SEMA6D: variants seen among roughly 807,000 people sequenced by gnomAD.
SEMA6D encodes the protein semaphorin 6D.
A neutral mutation model predicts 106.6 loss-of-function variants in SEMA6D; 35 were observed. The observed-to-expected ratio is 0.33, with a 90% CI of 0.25 to 0.44. The LOEUF is 0.44. Ranked by LOEUF, SEMA6D falls within the 20% of genes least tolerant of loss-of-function variation. The pLI is 1.00. For missense variants in SEMA6D, 1,185 were observed against 1,345.9 expected (o/e 0.88, Z 1.87); for synonymous variants, 499 against 487.7 (o/e 1.02, Z -0.31).
At chr15:47,688,680 CT>C (rs932891275) in intron 4 of SEMA6D, among the ~76,000 whole-genome samples, 120 of 152,210 alleles carry the variant, frequency 7.9e-4, no homozygotes, top group Non-Finnish European at 1.3e-3. Context: ...CAGCAGACTA[CT>C]TGGAAGAGGA....
Position 47,388,842 on chromosome 15 carries a change from G to A in SEMA6D, c.-238-23551G>A, listed in dbSNP as rs182727248. On this transcript the variant is annotated intron_variant, in intron 1 of 19. Coordinates refer to the SEMA6D transcript ENST00000558014. Reference sequence around the variant, plus strand: ...AGATTTAGACACTTGCCACAAATGGGTTAGACATTTGGCTCCAGATTTTCT... The same window carrying A: ...AGATTTAGACACTTGCCACAAATGGATTAGACATTTGGCTCCAGATTTTCT... Among the ~76,000 whole-genome samples the A allele has an allele frequency of 9.9e-5, 15 of 152,250 alleles. No individual in the cohort carries two copies. In the East Asian group the frequency reaches 1.5e-3, roughly 16 times the overall value.
chr15:47,460,401 A>G (rs2141025959), intron 2 of SEMA6D, among the ~76,000 whole-genome samples: 1 of 152,220 alleles, frequency 6.6e-6, no homozygotes, highest in East Asian at 1.9e-4. Context: ...AGCCAGGCTT[A>G]TTTAGAGTAG....
In SEMA6D at chr15:47,770,918, G is replaced by A; in HGVS notation, c.2355G>A (p.Leu785=). 1 of 1,614,078 alleles carries A rather than the reference G, an allele frequency of 6.2e-7. No individual in the cohort carries two copies. Among genetic ancestry groups the A allele is most frequent in the Non-Finnish European group, 8.5e-7 (1 of 1,179,992 alleles). ...ESTPVLHQKT[L]QAMKSHSEKA... ...CACCCGTGCTTCACCAGAAGACCCTGCAGGCCATGAAGAGCCACTCAGAAA... is the reference window on the plus strand; with the variant it reads ...CACCCGTGCTTCACCAGAAGACCCTACAGGCCATGAAGAGCCACTCAGAAA... The change falls in exon 19 of 19, where the codon CTG becomes CTA. Residue 785 remains leucine, a synonymous_variant. Transcript: ENST00000536845.
chr15:47,355,564 CTT>C, intron 1 of SEMA6D, among the ~76,000 whole-genome samples: 1 of 152,180 alleles, frequency 6.6e-6, no homozygotes. Flanking sequence ...CCATCGTAGT[CTT>C]TCTAGAGACA....
chr15:47,703,772 T>C (rs1350786769), intron 4 of SEMA6D, among the ~76,000 whole-genome samples: 2 of 152,202 alleles, frequency 1.3e-5, no homozygotes, highest in Admixed American at 6.5e-5. Flanking sequence ...TAGTTCTCTC[T>C]CTTTTTCAGG....
At chr15:47,277,618 T>TTATC (rs1566968280) in intron 1 of SEMA6D, among the ~76,000 whole-genome samples, 1 of 138,296 alleles carries the variant, frequency 7.2e-6, no homozygotes, top group Non-Finnish European at 1.6e-5. Flanking sequence ...TATTATTTAT[T>TTATC]ATTATTATTA....
intron 1 of SEMA6D, among the ~76,000 whole-genome samples, chr15:47,292,692 C>T (rs897784624): frequency 1.3e-5 from 2 of 152,152 alleles, no homozygotes; most frequent in Non-Finnish European, 2.9e-5. Context: ...GTTAGCCTTG[C>T]ACCCTTTGAG....
intron 1 of SEMA6D, among the ~76,000 whole-genome samples, chr15:47,719,170 G>C (rs754026456): frequency 6.6e-6 from 1 of 151,972 alleles, no homozygotes; most frequent in Non-Finnish European, 1.5e-5. Context: ...GGGGTGTGGA[G>C]GGGGATTGAA....
chr15:47,714,197 G>A (rs1401827685), upstream of SEMA6D, among the ~76,000 whole-genome samples: 1 of 152,060 alleles, frequency 6.6e-6, no homozygotes, highest in Admixed American at 6.6e-5. Flanking sequence ...ATCATCTATT[G>A]CTATTAACTA....
At chr15:47,190,277 AT>A (rs923429937) in intron 1 of SEMA6D, among the ~76,000 whole-genome samples, 1 of 152,234 alleles carries the variant, frequency 6.6e-6, no homozygotes, top group African/African-American at 2.4e-5. Flanking sequence ...GAACTCCAAG[AT>A]TTGGTAACAT....
At chr15:47,207,993 G>GCGCGCACACACA (rs1424944556) in intron 1 of SEMA6D, among the ~76,000 whole-genome samples, 44 of 89,384 alleles carry the variant, frequency 4.9e-4, no homozygotes, top group African/African-American at 1.1e-3. Flanking sequence ...TGGCGCGCGC[G>GCGCGCACACACA]CACACACACA....
intron 1 of SEMA6D, among the ~76,000 whole-genome samples, chr15:47,235,282 T>C (rs1300147388): frequency 2.6e-5 from 4 of 152,134 alleles, no homozygotes; most frequent in African/African-American, 9.7e-5. Flanking sequence ...TCTTCCATTT[T>C]GTGAGTTGTC....
intron 3 of SEMA6D, among the ~76,000 whole-genome samples, chr15:47,577,074 T>A (rs571711873): frequency 2.6e-5 from 4 of 152,350 alleles, no homozygotes; most frequent in African/African-American, 9.6e-5. Flanking sequence ...TTTGTTTGAG[T>A]AGGAATTTGT....
chr15:47,384,909 C>T lies in SEMA6D; in HGVS notation c.-238-27484C>T, dbSNP rs1489446465. Among the ~76,000 whole-genome samples the T allele has an allele frequency of 4.3e-5, 6 of 140,432 alleles. No individual in the cohort carries two copies. In the East Asian group the frequency reaches 6.8e-4, roughly 16 times the overall value. The allele number at this position is 140,432 out of a possible 152,430, so 92.1% of individuals were successfully genotyped here. A position where few individuals can be genotyped will look rare whatever the true frequency, so the allele number is the denominator to read the frequency against. Reference sequence around the variant, plus strand: ...TCATTTGTTGTTTTTTCTCACTCCTCCTGCTTCTCTCAAGTGTATTTGCAA... The same window carrying T: ...TCATTTGTTGTTTTTTCTCACTCCTTCTGCTTCTCTCAAGTGTATTTGCAA... On this transcript the variant is annotated intron_variant, in intron 1 of 19. Transcript: ENST00000558014.
chr15:47,286,541 G>T (rs1171269305), intron 1 of SEMA6D, among the ~76,000 whole-genome samples: 1 of 151,522 alleles, frequency 6.6e-6, no homozygotes, highest in Admixed American at 6.6e-5. Flanking sequence ...AATTTTTTTT[G>T]CAAATTTCTT....
At chr15:47,501,875 TTG>T (rs1491152876) in intron 3 of SEMA6D, among the ~76,000 whole-genome samples, 248 of 151,878 alleles carry the variant, frequency 1.6e-3, no homozygotes, top group African/African-American at 4.4e-3. Flanking sequence ...TTGTTTTGTT[TTG>T]TTTTACTATA....
intron 1 of SEMA6D, among the ~76,000 whole-genome samples, chr15:47,755,512 C>G (rs185797665): frequency 5.1e-4 from 78 of 152,162 alleles, no homozygotes; most frequent in Middle Eastern, 3.4e-3. Context: ...ATGATGTTAT[C>G]TTTTTCTAAA....
At chr15:47,286,864 C>T (rs1365189769) in intron 1 of SEMA6D, among the ~76,000 whole-genome samples, 1 of 152,064 alleles carries the variant, frequency 6.6e-6, no homozygotes, top group African/African-American at 2.4e-5. Context: ...TGGCTGATAC[C>T]CTATCTTCTG....
chr15:47,493,895 G>T (rs143777095), intron 3 of SEMA6D, among the ~76,000 whole-genome samples: 59 of 152,262 alleles, frequency 3.9e-4, no homozygotes, highest in African/African-American at 1.2e-3. Context: ...TGGCCAAACT[G>T]TTGGGAATGG....
Sources: gnomAD v4.1 joint callset for allele counts (sites outside exome capture counted in the v4.1 genomes callset) on GRCh38, gnomAD v4.1.1 for gene constraint, MANE v1.5 for transcripts, NCBI Gene and HGNC (gene_info 2026-07-23, HGNC 2026-07-21) for gene names.